Variants in PLCB1 observed in about 807,000 individuals in gnomAD.
The protein encoded by PLCB1 is 1-phosphatidylinositol 4,5-bisphosphate phosphodiesterase beta-1.
Under a neutral mutation model 161.8 loss-of-function variants are expected in PLCB1, and 46 were observed. The ratio of observed to expected loss-of-function variants is 0.28; its 90% CI spans 0.22 to 0.36. PLCB1 has a LOEUF of 0.36. PLCB1 is among the 10% of genes least tolerant of loss of function. The pLI, the probability that PLCB1 is intolerant of heterozygous loss-of-function variation, is 1.00. For missense variants in PLCB1, 1,016 were observed against 1,472.5 expected (o/e 0.69, Z 5.07); for synonymous variants, 517 against 503.7 (o/e 1.03, Z -0.35).
At chr20:8,519,029 G>A (rs934301338) in intron 3 of PLCB1, among the ~76,000 whole-genome samples, 7 of 152,042 alleles carry the variant, frequency 4.6e-5, no homozygotes, top group East Asian at 1.9e-4. Context: ...AAGGGGGAGC[G>A]GCTGTAAATA....
intron 2 of PLCB1, among the ~76,000 whole-genome samples, chr20:8,284,474 A>G (rs984262698): frequency 2.6e-5 from 4 of 152,138 alleles, no homozygotes; most frequent in African/African-American, 4.8e-5. Flanking sequence ...ACAGTGGCTC[A>G]TGCCTGTGAT....
At chr20:8,673,482 A>C (rs1989999312) in intron 9 of PLCB1, among the ~76,000 whole-genome samples, 1 of 152,172 alleles carries the variant, frequency 6.6e-6, no homozygotes, top group African/African-American at 2.4e-5. Context: ...AATCTCTCTA[A>C]GACTTTGTTA....
intron 9 of PLCB1, among the ~76,000 whole-genome samples, chr20:8,680,152 A>T (rs975964501): frequency 1.3e-5 from 2 of 152,164 alleles, no homozygotes; most frequent in African/African-American, 4.8e-5. Context: ...TCATTCTTCT[A>T]TGTGCCTCAG....
chr20:8,447,307 T>C (rs1240820810), intron 3 of PLCB1, among the ~76,000 whole-genome samples: 1 of 152,160 alleles, frequency 6.6e-6, no homozygotes, highest in Non-Finnish European at 1.5e-5. Flanking sequence ...CTTCCTCCGG[T>C]GCTAGCTGTG....
chr20:8,505,239 C>A (rs951798744), intron 3 of PLCB1, among the ~76,000 whole-genome samples: 2 of 152,172 alleles, frequency 1.3e-5, no homozygotes, highest in African/African-American at 2.4e-5. Context: ...TTTTACCCCA[C>A]ACTCTCAACA....
chr20:8,877,063 C>T (rs372933142), intron 31 of PLCB1, among the ~76,000 whole-genome samples: 1 of 152,168 alleles, frequency 6.6e-6, no homozygotes, highest in African/African-American at 2.4e-5. Flanking sequence ...GAATTACTGC[C>T]ATTTGCACGA....
At chr20:8,263,052 C>A (rs532286593) in intron 2 of PLCB1, among the ~76,000 whole-genome samples, 124 of 152,286 alleles carry the variant, frequency 8.1e-4, no homozygotes, top group African/African-American at 2.9e-3. Flanking sequence ...ATTCCTAATG[C>A]AGGACAGGCA....
chr20:8,387,073 C>T (rs79243635), intron 3 of PLCB1, among the ~76,000 whole-genome samples: 6,833 of 152,260 alleles, frequency 0.045, 221 homozygotes, highest in Middle Eastern at 0.085. Context: ...ATCAGCAATA[C>T]GTTTGCTTTG....
chr20:8,425,135 T>TTG (rs1305671594), intron 3 of PLCB1, among the ~76,000 whole-genome samples: 2 of 150,806 alleles, frequency 1.3e-5, no homozygotes, highest in African/African-American at 2.5e-5. Flanking sequence ...GAGGTGTTTT[T>TTG]TTTTTTTTTT....
At chr20:8,445,273 G>A (rs1243338282) in intron 3 of PLCB1, among the ~76,000 whole-genome samples, 6 of 152,070 alleles carry the variant, frequency 3.9e-5, no homozygotes, top group African/African-American at 1.2e-4. Context: ...ATGGCTAGCA[G>A]GTTTTCCCAG....
intron 2 of PLCB1, among the ~76,000 whole-genome samples, chr20:8,303,286 G>T (rs1356717578): frequency 6.6e-6 from 1 of 152,208 alleles, no homozygotes; most frequent in African/African-American, 2.4e-5. Context: ...TCAGTCATTT[G>T]TTGCTGGGCA....
At chr20:8,661,493 T>C (rs1246830319) in intron 9 of PLCB1, among the ~76,000 whole-genome samples, 1 of 151,434 alleles carries the variant, frequency 6.6e-6, no homozygotes, top group East Asian at 1.9e-4. Context: ...GTTCAGAAGT[T>C]CTGGCTGGCT....
At chr20:8,374,255 G>T (rs1316121835) in intron 3 of PLCB1, among the ~76,000 whole-genome samples, 1 of 152,168 alleles carries the variant, frequency 6.6e-6, no homozygotes. Context: ...GTGTTTGGTA[G>T]TTCCTCCTGA....
chr20:8,628,295 A>G lies in PLCB1; in HGVS notation c.248A>G (p.Asp83Gly). Residue 83 changes from aspartate (D) to glycine (G), a missense_variant and splice_region_variant, in exon 4 of 32, where the codon GAC (aspartate) becomes GGC (glycine). By Grantham distance (94) the Asp-to-Gly change is moderately conservative. Around this residue, in one of 10 missense-constraint regions of PLCB1, gnomAD observed 181 missense variants for 236.7 expected, o/e 0.76. Coordinates refer to ENST00000338037, the MANE Select transcript of PLCB1 (RefSeq NM_015192.4). Reference protein sequence around the residue: ...RCGRHAKAPKDPKLRELLDVG... With the variant: ...RCGRHAKAPKGPKLRELLDVG... ...TTATTTTCAATATTTATTACCCAGGACCCCAAATTACGTGAACTTTTGGAT... is the reference window on the plus strand; with the variant it reads ...TTATTTTCAATATTTATTACCCAGGGCCCCAAATTACGTGAACTTTTGGAT... 6.2e-7 allele frequency: 1 copy of G among 1,612,176 alleles called. No homozygotes were observed. The highest frequency in any genetic ancestry group is 8.5e-7 in the Non-Finnish European group (1 of 1,178,254).
At chr20:8,556,510 G>A (rs1985957159) in intron 3 of PLCB1, among the ~76,000 whole-genome samples, 1 of 152,026 alleles carries the variant, frequency 6.6e-6, no homozygotes, top group South Asian at 2.1e-4. Context: ...CCTAAAAAGT[G>A]ATGCATATGC....
At chr20:8,627,748 C>T (rs1988399565) in intron 3 of PLCB1, among the ~76,000 whole-genome samples, 2 of 152,182 alleles carry the variant, frequency 1.3e-5, no homozygotes, top group Non-Finnish European at 2.9e-5. Flanking sequence ...CAGTACATTC[C>T]GAGGACAGAA....
chr20:8,325,720 C>G (rs1985124726), intron 2 of PLCB1, among the ~76,000 whole-genome samples: 1 of 152,164 alleles, frequency 6.6e-6, no homozygotes, highest in African/African-American at 2.4e-5. Context: ...TCCTTAGAGT[C>G]CATGCTTTTG....
At chr20:8,818,578 ATTAAT>A (rs749613452) in intron 31 of PLCB1, among the ~76,000 whole-genome samples, 14 of 152,272 alleles carry the variant, frequency 9.2e-5, no homozygotes, top group Non-Finnish European at 1.9e-4. Context: ...TGAATATAAA[ATTAAT>A]TTATAAAAAT....
chr20:8,600,385 G>C lies in PLCB1; in HGVS notation c.247-27909G>C, dbSNP rs543087126. 1.4e-4 allele frequency among the ~76,000 whole-genome samples: 18 copies of C among 124,254 alleles called. No homozygotes were observed. In the East Asian group the frequency reaches 1.9e-3, roughly 13 times the overall value. 81.5% of individuals were successfully genotyped at this position (124,254 alleles called of 152,430 possible). On this transcript the variant is annotated intron_variant, in intron 3 of 31. Transcript: ENST00000338037. The stretch of plus-strand genomic sequence containing the variant: ...TGTGAGGTGTCAGTGTGCCCCTGCT[G>C]GGGGGTGCCTCCCAGTTAGGCTGCT...
Sources: gnomAD v4.1 joint callset for allele counts (sites outside exome capture counted in the v4.1 genomes callset) on GRCh38, gnomAD v4.1.1 for gene constraint, gnomAD v4.1.1 regional missense constraint, MANE v1.5 for transcripts, NCBI Gene and HGNC (gene_info 2026-07-23, HGNC 2026-07-21) for gene names.